The following KANK4 variants were observed in gnomAD, a reference collection of about 807,000 sequenced individuals.
KANK4 encodes the protein KN motif and ankyrin repeat domains 4, also known as KN motif and ankyrin repeat domain-containing protein 4.
In KANK4, 50 loss-of-function variants were observed where a neutral mutation model predicts 80.8. The ratio of observed to expected loss-of-function variants is 0.62; its 90% CI spans 0.49 to 0.78. The LOEUF is 0.78. Among genes scored for constraint, KANK4 ranks in the 30% least tolerant of loss-of-function variants. The pLI is 0.00. For missense variants in KANK4, 1,196 were observed against 1,240.1 expected (o/e 0.96, Z 0.53); for synonymous variants, 465 against 506.9 (o/e 0.92, Z 1.11).
At chr1:62,308,278 C>G (rs536793064) in intron 1 of KANK4, among the ~76,000 whole-genome samples, 1 of 152,174 alleles carries the variant, frequency 6.6e-6, no homozygotes, top group Non-Finnish European at 1.5e-5. Flanking sequence ...GCTGGAGAGG[C>G]TCACACAGGC....
chr1:62,314,088 A>G (rs907998736), intron 1 of KANK4, among the ~76,000 whole-genome samples: 3 of 152,122 alleles, frequency 2.0e-5, no homozygotes, highest in Non-Finnish European at 4.4e-5. Flanking sequence ...ATCTCGGCTC[A>G]CTGCAACTTC....
At chr1:62,275,562 T>G (rs1672290295) in intron 2 of KANK4, among the ~76,000 whole-genome samples, 1 of 152,206 alleles carries the variant, frequency 6.6e-6, no homozygotes, top group African/African-American at 2.4e-5. Context: ...AACCCTAACT[T>G]GCATGACTCA....
At chr1:62,238,440 G>C (rs1177872649) in intron 9 of KANK4, 59 bp from the exon 10 acceptor site, 1 of 1,488,640 alleles carries the variant, frequency 6.7e-7, no homozygotes, top group South Asian at 1.2e-5. Context: ...CTGCCTGGGG[G>C]AGAAGGGCAA....
intron 4 of KANK4, among the ~76,000 whole-genome samples, chr1:62,269,311 T>A (rs918443356): frequency 6.6e-6 from 1 of 152,198 alleles, no homozygotes; most frequent in Non-Finnish European, 1.5e-5. Context: ...GGTAAGATGA[T>A]TTCAGGTTCT....
At chr1:62,317,474 A>G (rs1235894248) in intron 1 of KANK4, among the ~76,000 whole-genome samples, 1 of 152,082 alleles carries the variant, frequency 6.6e-6, no homozygotes, top group Non-Finnish European at 1.5e-5. Context: ...GGGACTTCCA[A>G]CTGCTCATTA....
chr1:62,255,031 G>A (rs1474376502), intron 7 of KANK4, among the ~76,000 whole-genome samples: 1 of 150,654 alleles, frequency 6.6e-6, no homozygotes, highest in Admixed American at 6.6e-5. Context: ...GATTACAGGT[G>A]CACGCCACCA....
chr1:62,267,901 C>A (rs1049753919), intron 5 of KANK4, among the ~76,000 whole-genome samples: 1 of 152,082 alleles, frequency 6.6e-6, no homozygotes, highest in African/African-American at 2.4e-5. Context: ...GGGCCAGGGT[C>A]CCTATTCTGC....
At chr1:62,271,759 T>G (rs6657061) in intron 3 of KANK4, 170 bp from the exon 4 acceptor site, 9,163 of 566,188 alleles carry the variant, frequency 0.016, 102 homozygotes, top group Non-Finnish European at 0.022. Flanking sequence ...TGGAGGAGCC[T>G]TGCTTTCTGC....
At chr1:62,277,676 A>C (rs1036451751) in intron 2 of KANK4, among the ~76,000 whole-genome samples, 1 of 152,198 alleles carries the variant, frequency 6.6e-6, no homozygotes, top group African/African-American at 2.4e-5. Flanking sequence ...AGAAAGGTCA[A>C]GTGGAGGGAG....
rs142004576 is a variant in KANK4 at position 62,273,654 on chromosome 1, C to T, written c.1450G>A (p.Glu484Lys). The T allele has an allele frequency of 2.5e-5, 41 of 1,614,112 alleles. No homozygotes were observed. Among genetic ancestry groups the T allele is most frequent in the South Asian group, 1.8e-4 (16 of 91,062 alleles). ...LPQLSLPQGP[E>K]QVLTSSVHSF... Reference sequence around the variant, plus strand: ...TGTACAGAGGAGGTAAGGACCTGCTCGGGTCCCTGTGGCAGTGACAGCTGG... The same window carrying T: ...TGTACAGAGGAGGTAAGGACCTGCTTGGGTCCCTGTGGCAGTGACAGCTGG... Residue 484 changes from glutamate to lysine, a missense_variant, in exon 3 of 10, where the codon GAG becomes AAG. By Grantham distance (56) the Glu-to-Lys change is moderately conservative. Coordinates refer to ENST00000371153, the MANE Select transcript of KANK4 (RefSeq NM_181712.5).
At chr1:62,290,500 G>A (rs1447152960) in intron 1 of KANK4, among the ~76,000 whole-genome samples, 4 of 152,164 alleles carry the variant, frequency 2.6e-5, no homozygotes, top group African/African-American at 2.4e-5. Context: ...TGTGAAGACC[G>A]CAGGGGATAA....
At position 62,266,760 on chromosome 1, in the gene KANK4, T is replaced by C. The variant is rs368246780; in HGVS notation, c.2291A>G (p.Glu764Gly). The part of the protein sequence containing the change: ...ACRALSQHLP[E>G]TGTTTDQLLR... ...GAGCTGGTCTGTGGTGGTCCCAGTTTCTGGCAGATGCTGGCTCAGTGCCCG... is the reference window on the plus strand; with the variant it reads ...GAGCTGGTCTGTGGTGGTCCCAGTTCCTGGCAGATGCTGGCTCAGTGCCCG... Residue 764 changes from glutamate to glycine, a missense_variant, in exon 6 of 10, where the codon GAA becomes GGA. This residue lies in a region of KANK4 where 1,154 missense variants were observed against 1,179.6 expected (regional missense o/e 0.98). Transcript: ENST00000371153. 1 of 1,612,906 alleles carries C rather than the reference T, an allele frequency of 6.2e-7. No individual in the cohort carries two copies. Among genetic ancestry groups the C allele is most frequent in the African/African-American group, 1.3e-5 (1 of 74,930 alleles).
At chr1:62,296,719 T>G (rs937891740) in intron 1 of KANK4, among the ~76,000 whole-genome samples, 1 of 151,932 alleles carries the variant, frequency 6.6e-6, no homozygotes, top group Non-Finnish European at 1.5e-5. Flanking sequence ...GCCCGGCTAA[T>G]TTTTGAAACA....
Position 62,286,989 on chromosome 1 carries a change from G to A in KANK4, c.-70-5355C>T, listed in dbSNP as rs1479577637. ...GCTGTGACGACCAAATTACTGTTCAGTGGATCCACTTCCAGGCAGGGTTTC... is the reference window on the plus strand; with the variant it reads ...GCTGTGACGACCAAATTACTGTTCAATGGATCCACTTCCAGGCAGGGTTTC... On this transcript the variant is annotated intron_variant, in intron 1 of 9. Transcript: ENST00000371153. Among the ~76,000 whole-genome samples the A allele has an allele frequency of 4.6e-5, 7 of 152,194 alleles. No individual in the cohort carries two copies. In the East Asian group the frequency reaches 1.3e-3, roughly 29 times the overall value.
intron 1 of KANK4, among the ~76,000 whole-genome samples, chr1:62,299,160 T>G (rs1644391281): frequency 6.6e-6 from 1 of 152,078 alleles, no homozygotes; most frequent in African/African-American, 2.4e-5. Context: ...TAAGTTCAAG[T>G]GATCCTCCTG....
intron 1 of KANK4, among the ~76,000 whole-genome samples, chr1:62,314,148 G>A (rs1644520548): frequency 6.6e-6 from 1 of 152,032 alleles, no homozygotes; most frequent in Non-Finnish European, 1.5e-5. Flanking sequence ...TGAGTAGCTG[G>A]GATTACAGGC....
intron 7 of KANK4, among the ~76,000 whole-genome samples, chr1:62,253,576 A>AT (rs11297715): frequency 1.3e-5 from 2 of 150,994 alleles, no homozygotes; most frequent in South Asian, 4.2e-4. Flanking sequence ...CACCTGGCTA[A>AT]TTTTTTTTTG....
chr1:62,297,188 G>A (rs1258157095), intron 1 of KANK4, among the ~76,000 whole-genome samples: 2 of 152,098 alleles, frequency 1.3e-5, no homozygotes, highest in African/African-American at 4.8e-5. Context: ...AGCTGAGATT[G>A]CACCACTGCA....
intron 1 of KANK4, among the ~76,000 whole-genome samples, chr1:62,284,906 C>T (rs954289277): frequency 5.9e-5 from 9 of 152,270 alleles, no homozygotes; most frequent in Middle Eastern, 3.4e-3. Flanking sequence ...ATGTCTAACT[C>T]ACGGCAGACA....
Sources: allele counts gnomAD v4.1 joint callset (sites outside exome capture counted in the v4.1 genomes callset), GRCh38; gene constraint gnomAD v4.1.1; regional missense constraint gnomAD v4.1.1; transcripts MANE v1.5; gene names NCBI Gene and HGNC (gene_info 2026-07-23, HGNC 2026-07-21).